Variants in NAA25 observed in about 807,000 individuals in gnomAD.
NAA25 encodes N-terminal acetyltransferase B complex subunit NAA25.
A neutral mutation model predicts 132.5 loss-of-function variants in NAA25; 30 were observed. The observed-to-expected ratio is 0.23, with a 90% CI of 0.17 to 0.31. The LOEUF (loss-of-function observed/expected upper bound fraction) is 0.31, where lower values mean the gene tolerates loss of function less well. Ranked by LOEUF, NAA25 falls within the 10% of genes least tolerant of loss-of-function variation. NAA25 has a pLI of 1.00. For missense variants in NAA25, 771 were observed against 1,150.4 expected (o/e 0.67, Z 4.77); for synonymous variants, 359 against 401.9 (o/e 0.89, Z 1.28).
rs1378711820 is a variant in NAA25 at position 112,061,100 on chromosome 12, G to A, written c.1357+81C>T. The A allele has an allele frequency of 2.8e-6, 3 of 1,070,420 alleles. No individual in the cohort carries two copies. In the Admixed American group the frequency reaches 6.0e-5, roughly 21 times the overall value. The allele number at this position is 1,070,420 out of a possible 1,614,324, so 66.3% of individuals were successfully genotyped here. A position where few individuals can be genotyped will look rare whatever the true frequency, so the allele number is the denominator to read the frequency against. On this transcript the variant is annotated intron_variant, in intron 12 of 23. Coordinates refer to ENST00000261745, the MANE Select transcript of NAA25 (RefSeq NM_024953.4). ...TCCTTACAAAACTCATTAAAACAGG[G>A]TGCTACAGGTGCTTAAAAAACTGCC...
chr12:112,072,892 T>C (rs2078835426), intron 9 of NAA25, among the ~76,000 whole-genome samples: 1 of 151,698 alleles, frequency 6.6e-6, no homozygotes, highest in African/African-American at 2.4e-5. Context: ...GGAGGCAAGA[T>C]TACACCACTG....
chr12:112,099,179 G>C (rs1169254460), intron 1 of NAA25, among the ~76,000 whole-genome samples: 1 of 151,874 alleles, frequency 6.6e-6, no homozygotes, highest in African/African-American at 2.4e-5. Flanking sequence ...TAGTAGAGAC[G>C]GGGTTTCACC....
chr12:112,093,739 G>A (rs1180465423), intron 1 of NAA25, among the ~76,000 whole-genome samples: 1 of 151,878 alleles, frequency 6.6e-6, no homozygotes, highest in Non-Finnish European at 1.5e-5. Context: ...AATTAGCCAG[G>A]CATGTTGCCA....
intron 5 of NAA25, among the ~76,000 whole-genome samples, chr12:112,080,753 C>T (rs1196262677): frequency 6.6e-6 from 1 of 152,088 alleles, no homozygotes; most frequent in East Asian, 1.9e-4. Context: ...CCCACCTTGG[C>T]CTCCCAAAGT....
At chr12:112,098,860 T>G (rs529893504) in intron 1 of NAA25, among the ~76,000 whole-genome samples, 5 of 152,210 alleles carry the variant, frequency 3.3e-5, no homozygotes, top group African/African-American at 1.2e-4. Flanking sequence ...AAGGTTCAAC[T>G]GGGATTGTGC....
rs2078759583 is a variant in NAA25, at chr12:112,068,861, T to C, written c.1149+19A>G. 2 of 1,432,660 alleles carry C rather than the reference T, an allele frequency of 1.4e-6. No homozygotes were observed. The highest frequency in any genetic ancestry group is 1.9e-6 in the Non-Finnish European group (2 of 1,039,388). The allele number at this position is 1,432,660 out of a possible 1,614,324, so 88.7% of individuals were successfully genotyped here. ...CAAATAGAGGCACCCAACAAACTTC[T>C]AAACTGTATAGTACTTACTTTTGTA... On this transcript the variant is annotated intron_variant, in intron 11 of 23. Transcript: ENST00000261745.
intron 17 of NAA25, 105 bp downstream of exon 17, chr12:112,047,560 T>G: frequency 1.5e-6 from 2 of 1,359,200 alleles, no homozygotes; most frequent in African/African-American, 2.9e-5. Context: ...ATAAACTGCT[T>G]CACCCAGGAG....
rs760033560 is a variant in NAA25, at chr12:112,049,669, G to T, written c.1729-1226C>A. The T allele has an allele frequency of 4.0e-5, 39 of 984,058 alleles. No individual in the cohort carries two copies. The highest frequency in any genetic ancestry group is 4.7e-5 in the Non-Finnish European group (39 of 828,646). The allele number at this position is 984,058 out of a possible 1,614,324, so 61.0% of individuals were successfully genotyped here. A position where few individuals can be genotyped will look rare whatever the true frequency, so the allele number is the denominator to read the frequency against. Reference sequence around the variant, plus strand: ...AATTAAAAAGATTACTTGTGATCCTGCAGGTTTCAAGAAGGACTACCTGAA... The same window carrying T: ...AATTAAAAAGATTACTTGTGATCCTTCAGGTTTCAAGAAGGACTACCTGAA... On this transcript the variant is annotated intron_variant, in intron 15 of 23. Transcript: ENST00000261745. The surrounding 1 kb of genome is among the most constrained non-coding windows in gnomAD (Gnocchi z 4.7).
chr12:112,093,244 T>TA (rs2079162785), intron 1 of NAA25, 108 bp from the exon 2 acceptor site: 1 of 672,754 alleles, frequency 1.5e-6, no homozygotes, highest in Admixed American at 2.5e-5. Context: ...ATTTGCTATA[T>TA]AAAACATCAT....
intron 11 of NAA25, chr12:112,064,049 A>G (rs1415544084): frequency 6.6e-6 from 1 of 152,074 alleles, no homozygotes; most frequent in Non-Finnish European, 1.5e-5. Flanking sequence ...GCTTCAGTAT[A>G]TGTAATTTTT....
In NAA25 at chr12:112,052,161, G is replaced by T. The variant is rs548447485; in HGVS notation, c.1728+1397C>A. ...TCCTTTTGATTTTTTTTTTGAGTTA[G>T]TGAAACCTCTTGAAAACAGGAGGGC... is the stretch of plus-strand genomic sequence containing the variant. On this transcript the variant is annotated intron_variant, in intron 15 of 23. Transcript: ENST00000261745. Among the ~76,000 whole-genome samples, 127 of 151,922 alleles carry T rather than the reference G, an allele frequency of 8.4e-4. 2 individuals are homozygous for T. The highest frequency in any genetic ancestry group is 5.9e-4 in the Admixed American group (9 of 15,266).
In NAA25 at chr12:112,047,727, T is replaced by A; in HGVS notation, c.1944A>T (p.Pro648=). Residue 648 remains proline, a synonymous_variant, in exon 17 of 24, where the codon CCA becomes CCT. Transcript: ENST00000261745. Reference sequence around the variant, plus strand: ...CTCTGTTGTCTCGCAAATCTTCCCATGGAATGTCATCTTCTTCTGGCCTAA... The same window carrying A: ...CTCTGTTGTCTCGCAAATCTTCCCAAGGAATGTCATCTTCTTCTGGCCTAA... ...MNLRPEEDDI[P]WEDLRDNRDL... 1.9e-6 allele frequency: 3 copies of A among 1,614,044 alleles called. No individual in the cohort carries two copies. The highest frequency in any genetic ancestry group is 2.5e-6 in the Non-Finnish European group (3 of 1,179,934).
chr12:112,081,722 T>C (rs759408337), intron 4 of NAA25, among the ~76,000 whole-genome samples: 1 of 152,192 alleles, frequency 6.6e-6, no homozygotes, highest in Admixed American at 6.5e-5. Flanking sequence ...TGAGACTCTA[T>C]CCATAATTAG....
At chr12:112,076,511 G>A (rs978744826) in intron 7 of NAA25, among the ~76,000 whole-genome samples, 1 of 151,976 alleles carries the variant, frequency 6.6e-6, no homozygotes, top group African/African-American at 2.4e-5. Context: ...GATGTTGGAA[G>A]AAGACAAAAA....
At chr12:112,106,625 CA>C (rs2079364830) in intron 1 of NAA25, among the ~76,000 whole-genome samples, 2 of 152,248 alleles carry the variant, frequency 1.3e-5, no homozygotes, top group Non-Finnish European at 2.9e-5. Flanking sequence ...TCAGTGTCTT[CA>C]GCTCAAAGTG....
intron 10 of NAA25, among the ~76,000 whole-genome samples, chr12:112,070,050 C>T (rs145260625): frequency 8.1e-4 from 123 of 152,218 alleles, no homozygotes; most frequent in African/African-American, 2.9e-3. Flanking sequence ...ATCACTTGAA[C>T]CCAGGAGGCA....
chr12:112,067,829 G>A (rs948463717), intron 11 of NAA25, among the ~76,000 whole-genome samples: 2 of 152,162 alleles, frequency 1.3e-5, no homozygotes, highest in Non-Finnish European at 2.9e-5. Flanking sequence ...TCCGCCTTCT[G>A]GGATCAAGCA....
At position 112,030,297 on chromosome 12, in the gene NAA25, T is replaced by C. The variant is rs560784169; in HGVS notation, c.2797-644A>G. The stretch of plus-strand genomic sequence containing the variant: ...TTTAATCAATAAAAACAGAAAATTA[T>C]GACTAGTTTGGACATAAAATCCCTA... On this transcript the variant is annotated intron_variant, in intron 23 of 23. Coordinates refer to ENST00000261745, the MANE Select transcript of NAA25 (RefSeq NM_024953.4). Among the ~76,000 whole-genome samples, 11 of 151,370 alleles carry C rather than the reference T, an allele frequency of 7.3e-5. No individual in the cohort carries two copies. The South Asian group carries it at 8.3e-4, about 11-fold the overall frequency.
Position 112,072,078 on chromosome 12 carries a change from C to T in NAA25, c.867-14G>A, listed in dbSNP as rs752926414. ...CCTTCTAAAGAGCTGAGGAAAAGCA[C>T]ATGAAAAAGGAATTTTATTGCCTCT... On this transcript the variant is annotated splice_polypyrimidine_tract_variant and intron_variant, in intron 9 of 23. Transcript: ENST00000261745. 1.0e-5 allele frequency: 16 copies of T among 1,536,138 alleles called. No homozygotes were observed. The highest frequency in any genetic ancestry group is 2.8e-5 in the African/African-American group (2 of 71,846).
Sources: gnomAD v4.1 joint callset for allele counts (sites outside exome capture counted in the v4.1 genomes callset) on GRCh38, gnomAD v4.1.1 for gene constraint, Gnocchi (gnomAD v3.1) non-coding constraint, MANE v1.5 for transcripts, NCBI Gene and HGNC (gene_info 2026-07-23, HGNC 2026-07-21) for gene names.